NEBL: variants seen among roughly 807,000 people sequenced by gnomAD.
NEBL encodes the protein nebulette.
Under a neutral mutation model 140.2 loss-of-function variants are expected in NEBL, and 122 were observed. That is an observed-to-expected ratio of 0.87 (90% CI 0.75 to 1.01). The LOEUF (loss-of-function observed/expected upper bound fraction) is 1.01. NEBL is among the 50% of genes least tolerant of loss of function. The pLI is 0.00. For synonymous variants in NEBL, 436 were observed against 398.9 expected, an observed-to-expected ratio of 1.09 and a Z score of -1.11; for missense variants, 1,365 against 1,231.3, an observed-to-expected ratio of 1.11 and a Z score of -1.62.
chr10:20,977,803 C>T (rs1467426956), intron 3 of NEBL, among the ~76,000 whole-genome samples: 2 of 152,146 alleles, frequency 1.3e-5, no homozygotes, highest in Admixed American at 6.5e-5. Context: ...TGCCCTAATA[C>T]GTTGCCAGGT....
intron 4 of NEBL, among the ~76,000 whole-genome samples, chr10:20,950,662 T>G (rs934101202): frequency 6.6e-5 from 10 of 152,240 alleles, no homozygotes; most frequent in African/African-American, 2.4e-4. Flanking sequence ...AGGTAATTTC[T>G]ACTTCTGTCT....
intron 1 of NEBL, among the ~76,000 whole-genome samples, chr10:21,258,821 A>G (rs1184366406): frequency 2.0e-5 from 3 of 152,126 alleles, no homozygotes; most frequent in African/African-American, 7.2e-5. Context: ...AGAGGTTGCA[A>G]TGAGCCGAGA....
chr10:21,118,349 C>T (rs1459267786), intron 2 of NEBL, among the ~76,000 whole-genome samples: 1 of 152,148 alleles, frequency 6.6e-6, no homozygotes, highest in Non-Finnish European at 1.5e-5. Context: ...AAAATGTTCA[C>T]TCTCCAGGTT....
chr10:21,122,986 C>G lies in NEBL; in HGVS notation c.164+49397G>C, dbSNP rs4367852. Among the ~76,000 whole-genome samples, 131 of 152,214 alleles carry G rather than the reference C, an allele frequency of 8.6e-4. 1 individual carries two copies. Among genetic ancestry groups the G allele is most frequent in the African/African-American group, 3.1e-3 (128 of 41,548 alleles). ...TAGGCTGCTGGGGTCATAGAAGATA[C>G]TCAGTAAAATCATTTTGGCTGGTTC... On this transcript the variant is annotated intron_variant, in intron 2 of 6. Transcript: ENST00000417816.
intron 11 of NEBL, among the ~76,000 whole-genome samples, chr10:20,848,988 T>C (rs1369688782): frequency 6.6e-6 from 1 of 152,216 alleles, no homozygotes; most frequent in Non-Finnish European, 1.5e-5. Context: ...TTTTTTTGTC[T>C]ACAAGTTATC....
At chr10:21,103,282 C>A (rs1487154416) in intron 2 of NEBL, among the ~76,000 whole-genome samples, 1 of 149,912 alleles carries the variant, frequency 6.7e-6, no homozygotes, top group Non-Finnish European at 1.5e-5. Flanking sequence ...GCTGCAATCT[C>A]GGCCCACTGC....
At position 21,173,943 on chromosome 10, in the gene NEBL, G is replaced by A. The variant is rs1330360287; in HGVS notation, c.-110C>T. 6 of 1,392,468 alleles carry A rather than the reference G, an allele frequency of 4.3e-6. No homozygotes were observed. Among genetic ancestry groups the A allele is most frequent in the Non-Finnish European group, 3.7e-6 (4 of 1,084,970 alleles). 86.3% of individuals were successfully genotyped at this position (1,392,468 alleles called of 1,614,324 possible). ...CTCCTGGCAGGCGGGAGGGCTGCGG[G>A]CGGCGGGCGCCGGGTAGGGAGTCGG... On this transcript the variant is annotated 5_prime_UTR_variant, in exon 1 of 7. Transcript: ENST00000417816. This position sits in a 1 kb window ranked among gnomAD's most constrained non-coding sequence, Gnocchi z 5.7.
intron 3 of NEBL, among the ~76,000 whole-genome samples, chr10:21,185,183 T>G (rs938553271): frequency 1.3e-5 from 2 of 152,164 alleles, no homozygotes; most frequent in East Asian, 3.9e-4. Context: ...AGGGTGTGGC[T>G]TCTGTTTTGT....
Position 20,852,562 on chromosome 10 carries a change from C to T in NEBL, c.991G>A (p.Ala331Thr). Residue 331 changes from alanine to threonine, a missense_variant, in exon 10 of 28, where the codon GCC becomes ACC. Around this residue, in one of 2 missense-constraint regions of NEBL, gnomAD observed 1,323 missense variants for 1,154.8 expected, o/e 1.15. Coordinates refer to ENST00000377122, the MANE Select transcript of NEBL (RefSeq NM_006393.3). ...AVEHLHHKGN[A>T]VLQSQVKYKE... is the part of the protein sequence containing the mutation. ...GTGTGTACCTGACTTTGGAGGACGG[C>T]ATTGCCTTTATGGTGCAGATGTTCC... 1 of 1,613,128 alleles carries T rather than the reference C, an allele frequency of 6.2e-7. No individual in the cohort carries two copies. Among genetic ancestry groups the T allele is most frequent in the Non-Finnish European group, 8.5e-7 (1 of 1,179,582 alleles).
intron 3 of NEBL, among the ~76,000 whole-genome samples, chr10:20,982,118 C>T (rs998144904): frequency 6.6e-6 from 1 of 152,174 alleles, no homozygotes; most frequent in African/African-American, 2.4e-5. Context: ...GTTCAATTAC[C>T]CACCCTAACA....
intron 2 of NEBL, among the ~76,000 whole-genome samples, chr10:21,099,620 C>A (rs1362316139): frequency 6.6e-6 from 1 of 152,158 alleles, no homozygotes; most frequent in Non-Finnish European, 1.5e-5. Context: ...GCCGTAACTG[C>A]ATTTGATATG....
At chr10:21,058,932 G>C (rs1835158520) in intron 2 of NEBL, among the ~76,000 whole-genome samples, 1 of 152,156 alleles carries the variant, frequency 6.6e-6, no homozygotes, top group Non-Finnish European at 1.5e-5. Flanking sequence ...CAGGTCAAAG[G>C]TTCTAAGCCT....
At chr10:21,114,828 C>CT (rs879660859) in intron 2 of NEBL, among the ~76,000 whole-genome samples, 2,210 of 144,724 alleles carry the variant, frequency 0.015, 47 homozygotes, top group African/African-American at 0.052. Context: ...TTGGGTCCTG[C>CT]TTTTTTTTTT....
chr10:21,258,839 C>T (rs1842699081), intron 1 of NEBL, among the ~76,000 whole-genome samples: 1 of 152,154 alleles, frequency 6.6e-6, no homozygotes, highest in African/African-American at 2.4e-5. Flanking sequence ...AGATCACGGC[C>T]ACTGCACTCT....
rs1840390088 is a variant in NEBL, at chr10:20,831,304, T to G, written c.1563A>C (p.Lys521Asn). 1.2e-6 allele frequency: 2 copies of G among 1,600,960 alleles called. No individual in the cohort carries two copies. The highest frequency in any genetic ancestry group is 1.7e-6 in the Non-Finnish European group (2 of 1,169,074). The change falls in exon 16 of 28, where the codon AAA becomes AAC. Residue 521 changes from lysine (K) to asparagine (N), a missense_variant and splice_region_variant. Around this residue, in one of 2 missense-constraint regions of NEBL, gnomAD observed 1,323 missense variants for 1,154.8 expected, o/e 1.15. Transcript: ENST00000377122. ...CATTTTCTAAGTCCTTCTTGTATTG[T>G]TTCTAAAAGAACAGAAAATAATCTT... ...AKKASEMASQKQYKKDLENEI... is the reference protein window; with the variant it reads ...AKKASEMASQNQYKKDLENEI...
intron 18 of NEBL, among the ~76,000 whole-genome samples, chr10:20,825,420 G>A (rs1369235888): frequency 6.6e-6 from 1 of 152,118 alleles, no homozygotes; most frequent in Non-Finnish European, 1.5e-5. Flanking sequence ...ACTTTGGGAG[G>A]CTGAAGCGGG....
rs188492135 is a variant in NEBL, at chr10:20,789,797, G to A, written c.2762-2489C>T. ...GTATCTGGGAGGTCAAGGCTGCCAT[G>A]TGATCTCACCACTACACTCCAGCCT... On this transcript the variant is annotated intron_variant, in intron 26 of 27. Transcript: ENST00000377122. Among the ~76,000 whole-genome samples the A allele has an allele frequency of 6.1e-4, 93 of 152,056 alleles. 2 individuals carry two copies. Among genetic ancestry groups the A allele is most frequent in the Non-Finnish European group, 5.9e-5 (4 of 67,978 alleles).
intron 2 of NEBL, among the ~76,000 whole-genome samples, chr10:21,049,718 T>C (rs1286525097): frequency 6.6e-6 from 1 of 152,196 alleles, no homozygotes; most frequent in East Asian, 1.9e-4. Flanking sequence ...ACTGTTCTCA[T>C]GCTTCTCCCC....
chr10:21,124,437 T>C (rs770870789), intron 2 of NEBL, among the ~76,000 whole-genome samples: 2 of 152,146 alleles, frequency 1.3e-5, no homozygotes, highest in African/African-American at 2.4e-5. Flanking sequence ...CTTTTTTCCC[T>C]AGTAGAGGTG....
Sources: gnomAD v4.1 joint callset for allele counts (sites outside exome capture counted in the v4.1 genomes callset) on GRCh38, gnomAD v4.1.1 for gene constraint, gnomAD v4.1.1 regional missense constraint, Gnocchi (gnomAD v3.1) non-coding constraint, MANE v1.5 for transcripts, NCBI Gene and HGNC (gene_info 2026-07-23, HGNC 2026-07-21) for gene names.